Variants in TTLL11 observed in about 807,000 individuals in gnomAD.
TTLL11 encodes the protein tubulin tyrosine ligase like 11.
A neutral mutation model predicts 51.7 loss-of-function variants in TTLL11; 42 were observed. The observed-to-expected ratio is 0.81, with a 90% CI of 0.64 to 1.05. The LOEUF is 1.05. Ranked by LOEUF, TTLL11 falls within the 50% of genes least tolerant of loss-of-function variation. The probability of loss-of-function intolerance (pLI) is 0.00; values close to 1 mark genes in which losing one functional copy is unlikely to be tolerated. For missense variants in TTLL11, 799 were observed against 940.4 expected, an observed-to-expected ratio of 0.85 and a Z score of 1.97; for synonymous variants, 381 against 383.5, an observed-to-expected ratio of 0.99 and a Z score of 0.08.
At chr9:122,076,926 C>T (rs887550099) in intron 1 of TTLL11, among the ~76,000 whole-genome samples, 1 of 152,042 alleles carries the variant, frequency 6.6e-6, no homozygotes, top group Admixed American at 6.6e-5. Flanking sequence ...ATTTTAAAAA[C>T]AGCCAGAATG....
intron 6 of TTLL11, among the ~76,000 whole-genome samples, chr9:121,918,960 G>A (rs773616906): frequency 3.3e-4 from 50 of 152,240 alleles, no homozygotes; most frequent in Non-Finnish European, 6.6e-4. Context: ...GGTTACCCGT[G>A]GGGCTAGTGG....
At chr9:121,922,435 A>G (rs1448593053) in intron 6 of TTLL11, among the ~76,000 whole-genome samples, 1 of 152,116 alleles carries the variant, frequency 6.6e-6, no homozygotes, top group Non-Finnish European at 1.5e-5. Flanking sequence ...GGGAATGCTC[A>G]AGTTTGTGAA....
Position 121,977,457 on chromosome 9 carries a change from G to A in TTLL11, c.1270-2478C>T, listed in dbSNP as rs1474092790. 3.3e-5 allele frequency among the ~76,000 whole-genome samples: 5 copies of A among 152,180 alleles called. No homozygotes were observed. The East Asian group carries it at 9.7e-4, about 29-fold the overall frequency. The stretch of plus-strand genomic sequence containing the variant: ...ACTCAATATATGCTATCTCTTTCCA[G>A]TTTCCTGCCAATTCCACCAAAAAGA... On this transcript the variant is annotated intron_variant, in intron 4 of 8. Coordinates refer to ENST00000321582, the MANE Select transcript of TTLL11 (RefSeq NM_001139442.2).
intron 8 of TTLL11, among the ~76,000 whole-genome samples, chr9:121,826,294 G>T (rs1400980363): frequency 2.0e-5 from 2 of 98,094 alleles, no homozygotes; most frequent in Admixed American, 2.0e-4. Flanking sequence ...GAGTGTGTGG[G>T]TGTATATATA....
intron 6 of TTLL11, among the ~76,000 whole-genome samples, chr9:121,931,991 C>A (rs1841002366): frequency 6.6e-6 from 1 of 152,210 alleles, no homozygotes; most frequent in Non-Finnish European, 1.5e-5. Context: ...AGGAAGTCCT[C>A]CCCAGGTTCT....
At chr9:122,012,252 G>A (rs777985764) in intron 3 of TTLL11, among the ~76,000 whole-genome samples, 10 of 152,156 alleles carry the variant, frequency 6.6e-5, no homozygotes, top group Non-Finnish European at 1.3e-4. Flanking sequence ...CTCTAGTCAA[G>A]TGACTCAGGC....
At chr9:121,985,192 C>T (rs1842913267) in intron 4 of TTLL11, among the ~76,000 whole-genome samples, 2 of 152,202 alleles carry the variant, frequency 1.3e-5, no homozygotes, top group Non-Finnish European at 2.9e-5. Context: ...GCCCAGGCAA[C>T]AAGCGAGAGG....
At chr9:122,027,298 A>G (rs1844376658) in intron 3 of TTLL11, among the ~76,000 whole-genome samples, 1 of 152,190 alleles carries the variant, frequency 6.6e-6, no homozygotes, top group Admixed American at 6.5e-5. Context: ...GGGAATTACA[A>G]TTCAACATGA....
intron 8 of TTLL11, among the ~76,000 whole-genome samples, chr9:121,833,861 A>G (rs1171734798): frequency 5.3e-5 from 8 of 152,210 alleles, no homozygotes; most frequent in African/African-American, 1.9e-4. Context: ...CCTCTTAAAA[A>G]TACCTGAGCT....
intron 1 of TTLL11, among the ~76,000 whole-genome samples, chr9:122,040,170 C>G (rs1053989504): frequency 6.6e-6 from 1 of 152,138 alleles, no homozygotes; most frequent in African/African-American, 2.4e-5. Context: ...GACAGCCAGT[C>G]TGCTGAGAGA....
intron 3 of TTLL11, among the ~76,000 whole-genome samples, chr9:122,021,094 C>T (rs868019648): frequency 7.2e-6 from 1 of 139,496 alleles, no homozygotes; most frequent in Non-Finnish European, 1.5e-5. Flanking sequence ...GCTCGAGCAA[C>T]CAAAAAGTAG....
chr9:121,955,576 A>C (rs1388928801), intron 6 of TTLL11, among the ~76,000 whole-genome samples: 1 of 152,222 alleles, frequency 6.6e-6, no homozygotes, highest in African/African-American at 2.4e-5. Flanking sequence ...CGCTTTGAGA[A>C]GTTAAATAAC....
intron 6 of TTLL11, among the ~76,000 whole-genome samples, chr9:121,939,075 T>C (rs992367256): frequency 6.6e-6 from 1 of 152,186 alleles, no homozygotes; most frequent in Non-Finnish European, 1.5e-5. Context: ...GAGAGACACG[T>C]ATAAGGACAT....
chr9:122,056,260 G>A (rs886134832), intron 1 of TTLL11, among the ~76,000 whole-genome samples: 3 of 152,094 alleles, frequency 2.0e-5, no homozygotes, highest in Non-Finnish European at 4.4e-5. Context: ...ATGTGCCACT[G>A]CCACAAGAGA....
chr9:121,933,168 T>C (rs1841060284), intron 6 of TTLL11, among the ~76,000 whole-genome samples: 1 of 152,026 alleles, frequency 6.6e-6, no homozygotes, highest in Admixed American at 6.6e-5. Flanking sequence ...AGGGAGATAA[T>C]GAGAATTTAA....
intron 4 of TTLL11, among the ~76,000 whole-genome samples, chr9:121,976,048 T>C (rs1417349330): frequency 6.6e-6 from 1 of 152,148 alleles, no homozygotes; most frequent in Non-Finnish European, 1.5e-5. Flanking sequence ...CAGAGCTGGC[T>C]TTCACACCCA....
At chr9:121,912,834 A>G (rs1329119505) in intron 6 of TTLL11, among the ~76,000 whole-genome samples, 2 of 151,666 alleles carry the variant, frequency 1.3e-5, no homozygotes, top group Non-Finnish European at 2.9e-5. Context: ...TCCTTGGGAA[A>G]GGCATTCTTT....
intron 3 of TTLL11, among the ~76,000 whole-genome samples, chr9:122,018,109 CTT>C (rs386416144): frequency 0.2 from 23,612 of 120,444 alleles, 1,550 homozygotes; most frequent in Non-Finnish European, 0.22. Flanking sequence ...AATAATGCCA[CTT>C]TTTTTTTTTT....
intron 6 of TTLL11, among the ~76,000 whole-genome samples, chr9:121,907,947 A>G (rs1839998272): frequency 6.6e-6 from 1 of 152,228 alleles, no homozygotes; most frequent in East Asian, 1.9e-4. Flanking sequence ...TCTGCTGGAC[A>G]TTCATCTTGT....
Sources: gnomAD v4.1 joint callset for allele counts (sites outside exome capture counted in the v4.1 genomes callset) on GRCh38, gnomAD v4.1.1 for gene constraint, MANE v1.5 for transcripts, NCBI Gene and HGNC (gene_info 2026-07-23, HGNC 2026-07-21) for gene names.